Variants in LRP1B observed in about 807,000 individuals in gnomAD.
The protein encoded by LRP1B is LDL receptor related protein 1B.
Under a neutral mutation model 556.6 loss-of-function variants are expected in LRP1B, and 217 were observed. That is an observed-to-expected ratio of 0.39 (90% CI 0.35 to 0.44). The LOEUF (loss-of-function observed/expected upper bound fraction) is 0.44. Among genes scored for constraint, LRP1B ranks in the 20% least tolerant of loss-of-function variants. The pLI, the probability that LRP1B is intolerant of heterozygous loss-of-function variation, is 1.00. For synonymous variants in LRP1B, 2,047 were observed against 1,865.8 expected, an observed-to-expected ratio of 1.10 and a Z score of -2.50; for missense variants, 5,053 against 5,620.8, an observed-to-expected ratio of 0.90 and a Z score of 3.23.
intron 5 of LRP1B, among the ~76,000 whole-genome samples, chr2:141,233,297 A>G (rs1024349176): frequency 5.9e-5 from 9 of 152,206 alleles, no homozygotes; most frequent in African/African-American, 2.2e-4. Flanking sequence ...GTAAACACCT[A>G]CAGCAGGCTG....
At chr2:141,150,240 T>C (rs1701887640) in intron 7 of LRP1B, among the ~76,000 whole-genome samples, 1 of 152,330 alleles carries the variant, frequency 6.6e-6, no homozygotes, top group Non-Finnish European at 1.5e-5. Flanking sequence ...GACACACTTG[T>C]CAGTGCTCTT....
chr2:140,465,020 A>G (rs553031541), intron 60 of LRP1B, among the ~76,000 whole-genome samples: 2 of 152,344 alleles, frequency 1.3e-5, no homozygotes, highest in Non-Finnish European at 2.9e-5. Flanking sequence ...GAGACTGGGT[A>G]ATTTATAAAG....
chr2:140,836,470 C>T (rs1691907008), intron 31 of LRP1B, among the ~76,000 whole-genome samples: 1 of 152,138 alleles, frequency 6.6e-6, no homozygotes, highest in South Asian at 2.1e-4. Context: ...TCCCTAATTT[C>T]TAGATTTCTG....
At chr2:141,822,136 G>A (rs375952695) in intron 1 of LRP1B, among the ~76,000 whole-genome samples, 1 of 144,726 alleles carries the variant, frequency 6.9e-6, no homozygotes, top group Non-Finnish European at 1.5e-5. Flanking sequence ...CACACAGAGA[G>A]AGAGAGAGAG....
At chr2:141,854,730 G>A (rs932560387) in intron 1 of LRP1B, among the ~76,000 whole-genome samples, 5 of 151,866 alleles carry the variant, frequency 3.3e-5, no homozygotes, top group African/African-American at 1.2e-4. Context: ...ACCTAGAAAT[G>A]GATTGTGTAT....
chr2:142,052,719 G>A (rs979731360), intron 1 of LRP1B, among the ~76,000 whole-genome samples: 1 of 151,916 alleles, frequency 6.6e-6, no homozygotes, highest in Non-Finnish European at 1.5e-5. Flanking sequence ...GGTCTCCCCT[G>A]GGTTTTTCTT....
At chr2:140,800,085 C>T (rs1047667431) in intron 32 of LRP1B, among the ~76,000 whole-genome samples, 1 of 152,146 alleles carries the variant, frequency 6.6e-6, no homozygotes, top group African/African-American at 2.4e-5. Context: ...AGGATGAGTT[C>T]ATGTCCTTTG....
intron 66 of LRP1B, among the ~76,000 whole-genome samples, chr2:140,386,562 T>G (rs2105200173): frequency 6.6e-6 from 1 of 152,348 alleles, no homozygotes; most frequent in East Asian, 1.9e-4. Flanking sequence ...TGTACAGAGT[T>G]TGAACATTAA....
At chr2:140,542,176 G>T (rs969756007) in intron 43 of LRP1B, among the ~76,000 whole-genome samples, 2 of 151,980 alleles carry the variant, frequency 1.3e-5, no homozygotes, top group Non-Finnish European at 2.9e-5. Context: ...GTTAGTGCTT[G>T]CAGTGTGTTT....
chr2:140,375,900 A>G (rs1558838989), intron 68 of LRP1B, among the ~76,000 whole-genome samples: 1 of 152,142 alleles, frequency 6.6e-6, no homozygotes, highest in Non-Finnish European at 1.5e-5. Context: ...GTTATTAACA[A>G]GCTAATCATA....
In LRP1B at chr2:141,636,755, GA is replaced by G. The variant is rs200957259; in HGVS notation, c.206-156223del. Among the ~76,000 whole-genome samples, 783 of 142,858 alleles carry G rather than the reference GA, an allele frequency of 5.5e-3. 3 individuals are homozygous for G. Among genetic ancestry groups the G allele is most frequent in the Admixed American group, 1.0e-2 (143 of 14,362 alleles). The allele number at this position is 142,858 out of a possible 152,430, so 93.7% of individuals were successfully genotyped here. On this transcript the variant is annotated intron_variant, in intron 2 of 90. Transcript: ENST00000389484. Reference sequence around the variant, plus strand: ...GGAATACTTTGAGAATGTTAAAAAGGAAAAAAAAAACATAAGGTAGAAATGT... The same window carrying G: ...GGAATACTTTGAGAATGTTAAAAAGGAAAAAAAAACATAAGGTAGAAATGT...
chr2:140,822,170 A>G (rs1459517411), intron 31 of LRP1B, among the ~76,000 whole-genome samples: 1 of 152,196 alleles, frequency 6.6e-6, no homozygotes, highest in Non-Finnish European at 1.5e-5. Flanking sequence ...TAACCATAGA[A>G]ATCACTGTCA....
At chr2:140,292,106 G>A (rs962151551) in intron 84 of LRP1B, among the ~76,000 whole-genome samples, 1 of 151,954 alleles carries the variant, frequency 6.6e-6, no homozygotes. Flanking sequence ...CATAAATGTC[G>A]GAGAAGCCTA....
intron 42 of LRP1B, among the ~76,000 whole-genome samples, chr2:140,599,894 T>G (rs1219372930): frequency 6.6e-6 from 1 of 152,086 alleles, no homozygotes; most frequent in Non-Finnish European, 1.5e-5. Flanking sequence ...GAACCTAACT[T>G]TGATTTGCGA....
intron 6 of LRP1B, among the ~76,000 whole-genome samples, chr2:141,209,297 T>A (rs966880225): frequency 6.6e-6 from 1 of 152,094 alleles, no homozygotes; most frequent in Non-Finnish European, 1.5e-5. Context: ...TCTCAGGAGA[T>A]CTGATGGTTT....
chr2:141,676,301 T>C (rs747720208), intron 2 of LRP1B, among the ~76,000 whole-genome samples: 13 of 152,136 alleles, frequency 8.5e-5, no homozygotes, highest in Non-Finnish European at 1.6e-4. Context: ...TACATGTTTA[T>C]AGAAAATAAT....
At chr2:141,932,388 G>A (rs1182654222) in intron 1 of LRP1B, among the ~76,000 whole-genome samples, 2 of 151,978 alleles carry the variant, frequency 1.3e-5, no homozygotes, top group South Asian at 2.1e-4. Context: ...TAATACAACC[G>A]AAGAATATAC....
intron 3 of LRP1B, among the ~76,000 whole-genome samples, chr2:141,394,992 C>T (rs1690189536): frequency 6.6e-6 from 1 of 152,064 alleles, no homozygotes; most frequent in Non-Finnish European, 1.5e-5. Context: ...TATGGTCATG[C>T]TCTGCATAAT....
In LRP1B at chr2:140,356,353, C is replaced by T. The variant is rs2105129811; in HGVS notation, c.11519G>A (p.Arg3840Lys). The change falls in exon 75 of 91, where the codon AGA becomes AAA. Residue 3840 changes from arginine to lysine, a missense_variant. By Grantham distance (26) the Arg-to-Lys change is conservative (BLOSUM62 2). Around this residue, in one of 5 missense-constraint regions of LRP1B, gnomAD observed 599 missense variants for 648.4 expected, o/e 0.92. Transcript: ENST00000389484. ...GAAAAGTACTCTACCTTCACATTGT[C>T]TGTTTTTCATGTTTCTCTGAAATCC... ...KPGFQRNMKNRQCEDLNECLV... is the reference protein window; with the variant it reads ...KPGFQRNMKNKQCEDLNECLV... 6.2e-7 allele frequency: 1 copy of T among 1,610,838 alleles called. No individual in the cohort carries two copies.
Sources: allele counts gnomAD v4.1 joint callset (sites outside exome capture counted in the v4.1 genomes callset), GRCh38; gene constraint gnomAD v4.1.1; regional missense constraint gnomAD v4.1.1; transcripts MANE v1.5; gene names NCBI Gene and HGNC (gene_info 2026-07-23, HGNC 2026-07-21).